Variants in KCMF1 observed in about 807,000 individuals in gnomAD.
KCMF1 encodes E3 ubiquitin-protein ligase KCMF1.
A neutral mutation model predicts 41.1 loss-of-function variants in KCMF1; 3 were observed. The ratio of observed to expected loss-of-function variants is 0.07; its 90% CI spans 0.03 to 0.19. The LOEUF (loss-of-function observed/expected upper bound fraction) is 0.19, where lower values mean the gene tolerates loss of function less well. Ranked by LOEUF, KCMF1 falls within the 10% of genes least tolerant of loss-of-function variation. The probability of loss-of-function intolerance (pLI) is 1.00; values close to 1 mark genes in which losing one functional copy is unlikely to be tolerated. For missense variants in KCMF1, 286 were observed against 488.9 expected, an observed-to-expected ratio of 0.58 and a Z score of 3.91; for synonymous variants, 142 against 164.5, an observed-to-expected ratio of 0.86 and a Z score of 1.04.
In KCMF1 at chr2:85,043,556, C is replaced by T; in HGVS notation, c.325-8C>T. 6.5e-7 allele frequency: 1 copy of T among 1,549,126 alleles called. No homozygotes were observed. The highest frequency in any genetic ancestry group is 8.9e-7 in the Non-Finnish European group (1 of 1,123,066). ...TTTATTAAGCTGCTTTCTTTACTTC[C>T]ATTTCAGATTTGTCCAATATGTGCA... On this transcript the variant is annotated splice_polypyrimidine_tract_variant and splice_region_variant and intron_variant, in intron 3 of 6. Transcript: ENST00000409785.
intron 1 of KCMF1, among the ~76,000 whole-genome samples, chr2:84,992,504 G>T (rs995953415): frequency 2.0e-5 from 3 of 152,072 alleles, no homozygotes; most frequent in Non-Finnish European, 2.9e-5. Flanking sequence ...GAGCCACCGC[G>T]CCTGGCCCGT....
intron 1 of KCMF1, among the ~76,000 whole-genome samples, chr2:85,018,936 C>A (rs979806948): frequency 6.6e-6 from 1 of 151,504 alleles, no homozygotes; most frequent in Non-Finnish European, 1.5e-5. Flanking sequence ...GGGATTTCAC[C>A]ATGTTGACCA....
chr2:84,996,597 G>A (rs189031136), intron 1 of KCMF1, among the ~76,000 whole-genome samples: 3 of 151,686 alleles, frequency 2.0e-5, no homozygotes, highest in Non-Finnish European at 4.4e-5. Context: ...CACCATGCTC[G>A]GCCAATTTTT....
At chr2:85,007,101 CAAAAAA>C (rs764401140) in intron 1 of KCMF1, among the ~76,000 whole-genome samples, 1 of 51,904 alleles carries the variant, frequency 1.9e-5, no homozygotes, top group East Asian at 4.2e-4. Flanking sequence ...AACTCAGTCT[CAAAAAA>C]AAAAAAAAAA....
At chr2:84,985,130 G>T (rs997762223) in intron 1 of KCMF1, among the ~76,000 whole-genome samples, 7 of 152,256 alleles carry the variant, frequency 4.6e-5, no homozygotes, top group African/African-American at 1.7e-4. Flanking sequence ...CCTGAAATTG[G>T]AATGTTCTTG....
chr2:84,977,012 C>G (rs1464098315), intron 1 of KCMF1, among the ~76,000 whole-genome samples: 1 of 152,020 alleles, frequency 6.6e-6, no homozygotes, highest in African/African-American at 2.4e-5. Flanking sequence ...CTCTCTCTCT[C>G]TCCTTTTTTA....
At chr2:84,999,842 CA>C (rs764871660) in intron 1 of KCMF1, among the ~76,000 whole-genome samples, 22 of 152,194 alleles carry the variant, frequency 1.4e-4, no homozygotes, top group Non-Finnish European at 2.9e-4. Context: ...AAATAATTCC[CA>C]GTTAGAGGCC....
At chr2:85,000,671 G>A (rs931615206) in intron 1 of KCMF1, among the ~76,000 whole-genome samples, 8 of 151,736 alleles carry the variant, frequency 5.3e-5, no homozygotes, top group African/African-American at 1.9e-4. Context: ...CAATATTTGT[G>A]TAATAGTGAC....
chr2:84,984,618 C>T (rs1034752389), intron 1 of KCMF1, among the ~76,000 whole-genome samples: 11 of 152,002 alleles, frequency 7.2e-5, no homozygotes, highest in African/African-American at 2.7e-4. Flanking sequence ...GTGAGGAGTT[C>T]GAGACCAGCC....
At chr2:85,012,476 A>G (rs1363170331) in intron 1 of KCMF1, among the ~76,000 whole-genome samples, 1 of 152,122 alleles carries the variant, frequency 6.6e-6, no homozygotes, top group Non-Finnish European at 1.5e-5. Context: ...TCCTCATTTT[A>G]TGTTTATGCT....
At chr2:85,001,295 C>T (rs111926769) in intron 1 of KCMF1, among the ~76,000 whole-genome samples, 69 of 151,932 alleles carry the variant, frequency 4.5e-4, no homozygotes, top group African/African-American at 1.6e-3. Flanking sequence ...GTAGCTGTGA[C>T]TACAGGCGTA....
chr2:85,057,613 T>A lies in KCMF1; in HGVS notation c.*4204T>A, dbSNP rs1226638728. The A allele has an allele frequency of 2.6e-5, 4 of 152,248 alleles. No homozygotes were observed. Among genetic ancestry groups the A allele is most frequent in the Non-Finnish European group, 5.9e-5 (4 of 68,054 alleles). The allele number at this position is 152,248 out of a possible 1,614,324, so 9.4% of individuals were successfully genotyped here. On this transcript the variant is annotated 3_prime_UTR_variant, in exon 7 of 7. Transcript: ENST00000409785. ...AATAGTATAAAAATCTAATTCCCTG[T>A]GCTTATCGGCTTCAACTGTGCTTAC...
At chr2:85,013,506 TAA>T (rs1674695626) in intron 1 of KCMF1, among the ~76,000 whole-genome samples, 1 of 152,064 alleles carries the variant, frequency 6.6e-6, no homozygotes. Context: ...AAAGTCAGTA[TAA>T]GAGTGTTTAG....
At chr2:85,051,359 A>G (rs1211202514) in intron 6 of KCMF1, among the ~76,000 whole-genome samples, 2 of 152,152 alleles carry the variant, frequency 1.3e-5, no homozygotes, top group African/African-American at 4.8e-5. Context: ...CTGAGAGTTC[A>G]CAGAACTGTG....
chr2:85,047,634 A>G (rs947570216), intron 5 of KCMF1, among the ~76,000 whole-genome samples: 1 of 151,788 alleles, frequency 6.6e-6, no homozygotes, highest in Non-Finnish European at 1.5e-5. Flanking sequence ...GAACCTGGCC[A>G]TGTCACTGAG....
chr2:85,047,942 C>G (rs1439471049), intron 5 of KCMF1, among the ~76,000 whole-genome samples: 1 of 152,072 alleles, frequency 6.6e-6, no homozygotes, highest in African/African-American at 2.4e-5. Flanking sequence ...AAGGAGGAGA[C>G]AGCAGACACT....
chr2:85,048,667 T>C (rs114612788), intron 5 of KCMF1, among the ~76,000 whole-genome samples: 1,610 of 152,340 alleles, frequency 0.011, 30 homozygotes, highest in African/African-American at 0.036. Flanking sequence ...TCTTAATGAG[T>C]ACAGCCTTAT....
intron 2 of KCMF1, among the ~76,000 whole-genome samples, chr2:85,034,311 A>G (rs1268052098): frequency 6.6e-6 from 1 of 152,206 alleles, no homozygotes; most frequent in African/African-American, 2.4e-5. Flanking sequence ...GAGTTCTCAT[A>G]TTGATCATGG....
At chr2:84,986,826 G>A (rs890403366) in intron 1 of KCMF1, among the ~76,000 whole-genome samples, 1 of 152,134 alleles carries the variant, frequency 6.6e-6, no homozygotes, top group Non-Finnish European at 1.5e-5. Context: ...AGGTTGCAGT[G>A]AGCCGAGATC....
Sources: allele counts gnomAD v4.1 joint callset (sites outside exome capture counted in the v4.1 genomes callset), GRCh38; gene constraint gnomAD v4.1.1; transcripts MANE v1.5; gene names NCBI Gene and HGNC (gene_info 2026-07-23, HGNC 2026-07-21).